The following CYP4F2 variants were observed in gnomAD, a reference collection of about 807,000 sequenced individuals.
CYP4F2 encodes the protein cytochrome P450 family 4 subfamily F member 2, also known as cytochrome P450 4F2.
A neutral mutation model predicts 58.9 loss-of-function variants in CYP4F2; 58 were observed. That is an observed-to-expected ratio of 0.98 (90% CI 0.80 to 1.23). The LOEUF (loss-of-function observed/expected upper bound fraction) is 1.23, where lower values mean the gene tolerates loss of function less well. CYP4F2 is among the 50% of genes most tolerant of loss of function. CYP4F2 has a pLI of 0.00. For missense variants in CYP4F2, 616 were observed against 685.6 expected (o/e 0.90, Z 1.13); for synonymous variants, 287 against 261.1 (o/e 1.10, Z -0.95).
At chr19:15,886,190 C>T (rs1418456290) in intron 8 of CYP4F2, 52 bp downstream of exon 8, 1 of 1,612,938 alleles carries the variant, frequency 6.2e-7, no homozygotes, top group Non-Finnish European at 8.5e-7. Flanking sequence ...CACCCTGTTC[C>T]TGGAAGGGAG....
intron 9 of CYP4F2, among the ~76,000 whole-genome samples, chr19:15,881,707 T>A (rs181261917): frequency 1.1e-4 from 17 of 152,188 alleles, no homozygotes; most frequent in African/African-American, 3.6e-4. Context: ...AATATCTCAT[T>A]TGGTGCAAGA....
chr19:15,878,853 T>G lies in CYP4F2; in HGVS notation c.1481A>C (p.Asp494Ala), dbSNP rs780277810. The G allele has an allele frequency of 5.0e-6, 8 of 1,614,000 alleles. No individual in the cohort carries two copies. Among genetic ancestry groups the G allele is most frequent in the Non-Finnish European group, 5.1e-6 (6 of 1,179,984 alleles). The change falls in exon 13 of 13, where the codon GAC (aspartate) becomes GCC (alanine). Residue 494 changes from aspartate to alanine, a missense_variant. Physicochemically the swap from Asp to Ala is moderately radical, Grantham distance 126. Coordinates refer to ENST00000221700, the MANE Select transcript of CYP4F2 (RefSeq NM_001082.5). The part of the protein sequence containing the change: ...LTLLRFRVLP[D>A]HTEPRRKPEL... The stretch of plus-strand genomic sequence containing the variant: ...CGGCTTCCTGCGGGGCTCGGTGTGG[T>G]CAGGCAGGACGCGGAAGCGCAGCAG...
chr19:15,878,582 C>G lies in CYP4F2; in HGVS notation c.*189G>C, dbSNP rs2089320029. The G allele has an allele frequency of 1.1e-6, 1 of 937,170 alleles. No individual in the cohort carries two copies. The highest frequency in any genetic ancestry group is 1.6e-5 in the African/African-American group (1 of 61,642). The allele number at this position is 937,170 out of a possible 1,614,324, so 58.1% of individuals were successfully genotyped here. Reference sequence around the variant, plus strand: ...TGGGGTTGTTTTCATCGTTTGGCTACTGTGAATAGGGCCGCCATGAACATT... The same window carrying G: ...TGGGGTTGTTTTCATCGTTTGGCTAGTGTGAATAGGGCCGCCATGAACATT... On this transcript the variant is annotated 3_prime_UTR_variant, in exon 13 of 13. Coordinates refer to ENST00000221700, the MANE Select transcript of CYP4F2 (RefSeq NM_001082.5).
chr19:15,879,357 C>A lies in CYP4F2; in HGVS notation c.1386G>T (p.Ser462=). The stretch of plus-strand genomic sequence containing the variant: ...CAGGCCGCCCTTACCTGGGCCCTGC[C>A]GAGAAGGGAATAAAAGCCAGAGGTG... ...ERSPLAFIPF[S]AGPRNCIGQT... The change falls in exon 12 of 13, where the codon TCG becomes TCT. Residue 462 remains serine, a synonymous_variant. Coordinates refer to ENST00000221700, the MANE Select transcript of CYP4F2 (RefSeq NM_001082.5). 1 of 1,613,664 alleles carries A rather than the reference C, an allele frequency of 6.2e-7. No individual in the cohort carries two copies. The highest frequency in any genetic ancestry group is 8.5e-7 in the Non-Finnish European group (1 of 1,179,622).
At chr19:15,892,274 G>A (rs1361388406) in intron 5 of CYP4F2, 35 bp downstream of exon 5, 1 of 1,613,660 alleles carries the variant, frequency 6.2e-7, no homozygotes, top group Non-Finnish European at 8.5e-7. Context: ...TTCACCCCAA[G>A]GCTGCAAGTG....
intron 7 of CYP4F2, among the ~76,000 whole-genome samples, chr19:15,887,931 C>T (rs12460319): frequency 0.45 from 66,155 of 148,374 alleles, 14,506 homozygotes; most frequent in South Asian, 0.52. Context: ...GACATAGACA[C>T]AGATATAGAC....
At chr19:15,880,455 C>T (rs543957084) in intron 9 of CYP4F2, among the ~76,000 whole-genome samples, 2 of 152,060 alleles carry the variant, frequency 1.3e-5, no homozygotes, top group South Asian at 2.1e-4. Context: ...AGTGAAACCC[C>T]GTCTCTACTA....
intron 9 of CYP4F2, among the ~76,000 whole-genome samples, chr19:15,885,707 C>A (rs1218948328): frequency 6.6e-6 from 1 of 152,102 alleles, no homozygotes; most frequent in Non-Finnish European, 1.5e-5. Context: ...ATATCATCAC[C>A]AACTCTCTCA....
chr19:15,881,248 T>C (rs1039073448), intron 9 of CYP4F2, among the ~76,000 whole-genome samples: 26 of 152,194 alleles, frequency 1.7e-4, no homozygotes, highest in African/African-American at 6.3e-4. Context: ...TTTATGTGCA[T>C]TCAACATAGG....
Position 15,893,765 on chromosome 19 carries a change from C to T in CYP4F2, c.344-1183G>A, listed in dbSNP as rs560897943. On this transcript the variant is annotated intron_variant, in intron 3 of 12. Transcript: ENST00000221700. ...GAGCAAAGAGCACAGGCTTGATGCACGTGGGGAGAAAGATGTGGATGACTG... is the reference window on the plus strand; with the variant it reads ...GAGCAAAGAGCACAGGCTTGATGCATGTGGGGAGAAAGATGTGGATGACTG... 14 of 239,948 alleles carry T rather than the reference C, an allele frequency of 5.8e-5. No individual in the cohort carries two copies. The East Asian group carries it at 7.2e-4, about 12-fold the overall frequency. 14.9% of individuals were successfully genotyped at this position (239,948 alleles called of 1,614,324 possible).
intron 3 of CYP4F2, among the ~76,000 whole-genome samples, 192 bp from the exon 4 acceptor site, chr19:15,892,774 A>G (rs756783897): frequency 3.2e-4 from 48 of 152,170 alleles, no homozygotes; most frequent in Admixed American, 1.2e-3. Context: ...ACAGCAGCAC[A>G]GTACAGCAAT....
chr19:15,880,397 G>C (rs2089336641), intron 9 of CYP4F2, among the ~76,000 whole-genome samples: 1 of 152,290 alleles, frequency 6.6e-6, no homozygotes, highest in Admixed American at 6.5e-5. Flanking sequence ...GGGAGGCTAA[G>C]GCAGGTGGAT....
At chr19:15,894,769 G>T (rs899428561) in intron 3 of CYP4F2, among the ~76,000 whole-genome samples, 1 of 152,136 alleles carries the variant, frequency 6.6e-6, no homozygotes, top group Non-Finnish European at 1.5e-5. Context: ...AGCCTCGCCC[G>T]TCCAACGATG....
intron 5 of CYP4F2, among the ~76,000 whole-genome samples, chr19:15,890,899 C>T (rs2089412452): frequency 6.6e-6 from 1 of 152,184 alleles, no homozygotes; most frequent in Non-Finnish European, 1.5e-5. Flanking sequence ...CTTCGCAGAG[C>T]TGTTAAAATC....
intron 9 of CYP4F2, 37 bp from the exon 10 acceptor site, chr19:15,879,934 A>G (rs1158699799): frequency 1.2e-5 from 20 of 1,607,510 alleles, no homozygotes; most frequent in Non-Finnish European, 1.6e-5. Flanking sequence ...TTATCAAGGG[A>G]GCAAAGACAC....
intron 3 of CYP4F2, among the ~76,000 whole-genome samples, chr19:15,894,408 G>A (rs1458685743): frequency 6.6e-6 from 1 of 152,156 alleles, no homozygotes; most frequent in African/African-American, 2.4e-5. Flanking sequence ...TAGGGGAAAG[G>A]TGGCCTTTCC....
intron 9 of CYP4F2, among the ~76,000 whole-genome samples, chr19:15,885,287 T>C (rs1291238216): frequency 2.0e-5 from 3 of 152,060 alleles, no homozygotes; most frequent in East Asian, 3.9e-4. Context: ...TTACTGTAAA[T>C]CCCATCTCTG....
Position 15,892,510 on chromosome 19 carries a change from TTCACCTGCAGATAC to T in CYP4F2, c.397+5_397+18del. ...CCCCCCAACGTTTTTCCCAACCCTG[TTCACCTGCAGATAC>T]TCACCCAGCCAGGGCTCCAGGAAGC... On this transcript the variant is annotated splice_donor_5th_base_variant and intron_variant, in intron 4 of 12. Coordinates refer to ENST00000221700, the MANE Select transcript of CYP4F2 (RefSeq NM_001082.5). 6.2e-7 allele frequency: 1 copy of T among 1,614,028 alleles called. No homozygotes were observed. Among genetic ancestry groups the T allele is most frequent in the African/African-American group, 1.3e-5 (1 of 75,028 alleles).
chr19:15,886,122 C>A, intron 8 of CYP4F2, 69 bp from the exon 9 acceptor site: 1 of 1,604,538 alleles, frequency 6.2e-7, no homozygotes, highest in Non-Finnish European at 8.5e-7. Context: ...AGCACCCATG[C>A]ATTGAGGGCC....
Sources: allele counts gnomAD v4.1 joint callset (sites outside exome capture counted in the v4.1 genomes callset), GRCh38; gene constraint gnomAD v4.1.1; transcripts MANE v1.5; gene names NCBI Gene and HGNC (gene_info 2026-07-23, HGNC 2026-07-21).